The following MYO5B variants were observed in gnomAD, a reference collection of about 807,000 sequenced individuals.
MYO5B encodes the protein unconventional myosin-Vb.
A neutral mutation model predicts 229.3 loss-of-function variants in MYO5B; 143 were observed. The ratio of observed to expected loss-of-function variants is 0.62; its 90% confidence interval spans 0.54 to 0.72. The LOEUF (loss-of-function observed/expected upper bound fraction) is 0.72, where lower values mean the gene tolerates loss of function less well. MYO5B is among the 30% of genes least tolerant of loss of function. The pLI is 0.00. For missense variants in MYO5B, 2,321 were observed against 2,331.0 expected (o/e 1.00, Z 0.09); for synonymous variants, 918 against 885.2 (o/e 1.04, Z -0.66).
chr18:50,054,407 T>G (rs1382130338), intron 2 of MYO5B, among the ~76,000 whole-genome samples: 2 of 152,220 alleles, frequency 1.3e-5, no homozygotes, highest in African/African-American at 4.8e-5. Flanking sequence ...CTACTGCCAT[T>G]TATCATAATA....
chr18:50,078,938 T>C (rs2666933), intron 1 of MYO5B, among the ~76,000 whole-genome samples: 148,948 of 152,374 alleles, frequency 0.98, 72,896 homozygotes, highest in East Asian at 1. Flanking sequence ...CCACTACATG[T>C]GACAGCAAGG....
intron 4 of MYO5B, among the ~76,000 whole-genome samples, chr18:50,011,697 TG>T (rs1345039574): frequency 5.3e-5 from 8 of 152,050 alleles, no homozygotes; most frequent in Admixed American, 3.3e-4. Flanking sequence ...CACGAAGCCC[TG>T]TTCCTCCTCC....
chr18:50,090,338 C>CAAAAA (rs11393869), intron 1 of MYO5B, among the ~76,000 whole-genome samples: 1 of 136,378 alleles, frequency 7.3e-6, no homozygotes, highest in African/African-American at 2.8e-5. Context: ...GCAAGACCCT[C>CAAAAA]AAAAAAAAAA....
chr18:49,845,696 C>T (rs1458642069), intron 33 of MYO5B, among the ~76,000 whole-genome samples: 1 of 149,848 alleles, frequency 6.7e-6, no homozygotes, highest in African/African-American at 2.5e-5. Context: ...AAGATTTCTC[C>T]TCTTTCCCAC....
chr18:50,094,991 CTAAT>C (rs2031522263), intron 1 of MYO5B, among the ~76,000 whole-genome samples: 1 of 152,124 alleles, frequency 6.6e-6, no homozygotes, highest in South Asian at 2.1e-4. Flanking sequence ...CTGCATCTGG[CTAAT>C]TTTTTTGTAT....
chr18:49,838,540 G>A lies in MYO5B; in HGVS notation c.4852+604C>T, dbSNP rs763405043. On this transcript the variant is annotated intron_variant, in intron 36 of 39. Transcript: ENST00000285039. ...CTTGGGATTCACTCATAACCTACTT[G>A]TGTTGTAAGAACCTGGGGAAAGCAT... Among the ~76,000 whole-genome samples, 89 of 152,148 alleles carry A rather than the reference G, an allele frequency of 5.8e-4. 2 individuals are homozygous for A. The highest frequency in any genetic ancestry group is 5.9e-5 in the Non-Finnish European group (4 of 68,022).
At chr18:50,074,878 T>G (rs2031042688) in intron 1 of MYO5B, among the ~76,000 whole-genome samples, 1 of 152,128 alleles carries the variant, frequency 6.6e-6, no homozygotes, top group Admixed American at 6.5e-5. Context: ...TGGAGTGCAG[T>G]GGCATGATCT....
At chr18:50,050,097 C>T (rs750774654) in intron 2 of MYO5B, among the ~76,000 whole-genome samples, 5 of 151,742 alleles carry the variant, frequency 3.3e-5, no homozygotes, top group Non-Finnish European at 7.4e-5. Flanking sequence ...TGTGTGTGTA[C>T]AATATAACCA....
At chr18:50,083,704 C>G (rs2031269268) in intron 1 of MYO5B, among the ~76,000 whole-genome samples, 1 of 152,188 alleles carries the variant, frequency 6.6e-6, no homozygotes, top group Non-Finnish European at 1.5e-5. Flanking sequence ...ATCTGTTCAA[C>G]CATTCTGCAA....
At position 49,839,274 on chromosome 18, in the gene MYO5B, A is replaced by G. The variant is rs770103553; in HGVS notation, c.4722T>C (p.Thr1574=). The G allele has an allele frequency of 1.2e-6, 2 of 1,614,020 alleles. No homozygotes were observed. The highest frequency in any genetic ancestry group is 1.7e-5 in the Admixed American group (1 of 60,028). The change falls in exon 36 of 40, where the codon ACT becomes ACC. Residue 1574 remains threonine (T), a synonymous_variant. Transcript: ENST00000285039. Reference sequence around the variant, plus strand: ...TAAGACAGTGTTCATTCTGCTTTGCAGTGTTCTGAGTCATGAAGCCCTGCA... The same window carrying G: ...TAAGACAGTGTTCATTCTGCTTTGCGGTGTTCTGAGTCATGAAGCCCTGCA... ...SGDEGFMTQN[T]AKQNEHCLKN... is the part of the protein sequence containing the mutation.
intron 14 of MYO5B, 59 bp downstream of exon 14, chr18:49,953,201 C>T: frequency 2.0e-6 from 3 of 1,519,180 alleles, no homozygotes; most frequent in Non-Finnish European, 9.1e-7. Flanking sequence ...ATCACCACTC[C>T]CTGTCCAGCA....
chr18:50,033,449 C>T (rs2026412386), intron 4 of MYO5B, among the ~76,000 whole-genome samples: 1 of 152,188 alleles, frequency 6.6e-6, no homozygotes, highest in Non-Finnish European at 1.5e-5. Flanking sequence ...GGCTTCTTGG[C>T]CTACGTACGT....
At chr18:50,065,517 A>G (rs114202995) in intron 1 of MYO5B, among the ~76,000 whole-genome samples, 1,889 of 152,256 alleles carry the variant, frequency 0.012, 33 homozygotes, top group African/African-American at 0.043. Context: ...CCACTTATAC[A>G]ACCATCAGAT....
chr18:50,154,973 T>C (rs894527331), intron 1 of MYO5B, among the ~76,000 whole-genome samples: 1 of 152,218 alleles, frequency 6.6e-6, no homozygotes, highest in Non-Finnish European at 1.5e-5. Context: ...TTACACAAGG[T>C]AGCACCACAG....
chr18:50,165,009 C>G (rs1475901307), intron 1 of MYO5B, among the ~76,000 whole-genome samples: 2 of 152,220 alleles, frequency 1.3e-5, no homozygotes, highest in Non-Finnish European at 2.9e-5. Context: ...TATTTGGTAT[C>G]TGGCAGGGCT....
chr18:50,071,855 A>G (rs2030964742), intron 1 of MYO5B, among the ~76,000 whole-genome samples: 1 of 152,238 alleles, frequency 6.6e-6, no homozygotes, highest in Non-Finnish European at 1.5e-5. Flanking sequence ...CAGGCTTAAG[A>G]GCTATAGGGG....
chr18:50,125,778 G>C (rs1187173981), intron 1 of MYO5B, among the ~76,000 whole-genome samples: 1 of 152,186 alleles, frequency 6.6e-6, no homozygotes, highest in African/African-American at 2.4e-5. Context: ...TCACAGATCA[G>C]TGGATCAACA....
chr18:49,864,161 G>A lies in MYO5B; in HGVS notation c.3823C>T (p.Arg1275Ter), dbSNP rs760030699. 6.2e-7 allele frequency: 1 copy of A among 1,610,420 alleles called. No individual in the cohort carries two copies. The change falls in exon 28 of 40, where the codon CGA becomes TGA. Residue 1275 changes from arginine (R) to a stop codon, truncating the protein, a stop_gained. Transcript: ENST00000285039. LOFTEE classifies it high-confidence loss of function. ...RTQIVSADQR[R>*]LAGRNAEPNI... ...GTTACCGCGTTCCTGCCGGCGAGTC[G>A]CCGCTGGTCGGCGCTCACGATCTGG... is the stretch of plus-strand genomic sequence containing the variant.
chr18:50,134,004 A>T (rs1281767620), intron 1 of MYO5B, among the ~76,000 whole-genome samples: 1 of 152,192 alleles, frequency 6.6e-6, no homozygotes, highest in Non-Finnish European at 1.5e-5. Flanking sequence ...TTTTTTAAAG[A>T]TGGGAGTGAG....
Sources: gnomAD v4.1 joint callset for allele counts (sites outside exome capture counted in the v4.1 genomes callset) on GRCh38, gnomAD v4.1.1 for gene constraint, MANE v1.5 for transcripts, NCBI Gene and HGNC (gene_info 2026-07-23, HGNC 2026-07-21) for gene names.